Variants in CPPED1 observed in about 807,000 individuals in gnomAD.
CPPED1 encodes calcineurin like phosphoesterase domain containing 1.
In CPPED1, 28 loss-of-function variants were observed where a neutral mutation model predicts 28.0. That is an observed-to-expected ratio of 1.00 (90% confidence interval 0.74 to 1.37). The LOEUF is 1.37. Ranked by LOEUF, CPPED1 falls within the 40% of genes most tolerant of loss-of-function variation. The pLI, the probability that CPPED1 is intolerant of heterozygous loss-of-function variation, is 0.00. For synonymous variants in CPPED1, 198 were observed against 180.2 expected (o/e 1.10, Z -0.79); for missense variants, 504 against 416.5 (o/e 1.21, Z -1.83).
At position 12,663,616 on chromosome 16, in the gene CPPED1, AT is replaced by A. The variant is rs2079808841; in HGVS notation, c.*1269del. 6.6e-6 allele frequency: 1 copy of A among 152,116 alleles called. No homozygotes were observed. 9.4% of individuals were successfully genotyped at this position (152,116 alleles called of 1,614,324 possible). ...ACATATTTAATTATCTTTCCATTTA[AT>A]TTCCCATGGTTTTGCTACGTTGACT... On this transcript the variant is annotated 3_prime_UTR_variant, in exon 4 of 4. Transcript: ENST00000381774.
intron 3 of CPPED1, among the ~76,000 whole-genome samples, chr16:12,675,698 C>G (rs896584370): frequency 6.6e-6 from 1 of 152,182 alleles, no homozygotes; most frequent in Admixed American, 6.5e-5. Flanking sequence ...TACTTTTATC[C>G]TGCATGAGAC....
intron 3 of CPPED1, among the ~76,000 whole-genome samples, chr16:12,671,100 C>A (rs2079850723): frequency 6.6e-6 from 1 of 152,132 alleles, no homozygotes; most frequent in African/African-American, 2.4e-5. Flanking sequence ...ATCCACCTGC[C>A]TTGGCCTCCC....
intron 3 of CPPED1, among the ~76,000 whole-genome samples, chr16:12,681,699 G>C (rs1162849427): frequency 1.3e-5 from 2 of 152,142 alleles, no homozygotes; most frequent in African/African-American, 2.4e-5. Flanking sequence ...GCAGCAAAAG[G>C]TTTGAGAAAG....
chr16:12,781,251 T>C lies in CPPED1; in HGVS notation c.223A>G (p.Ile75Val). 1 of 1,614,170 alleles carries C rather than the reference T, an allele frequency of 6.2e-7. No homozygotes were observed. Among genetic ancestry groups the C allele is most frequent in the Non-Finnish European group, 8.5e-7 (1 of 1,180,020 alleles). Residue 75 changes from isoleucine (I) to valine (V), a missense_variant, in exon 2 of 4, where the codon ATC becomes GTC. Transcript: ENST00000381774. ...TTGGGTTTGGGGTTCAGCTTGTTGATGGCCTGGACGGCTTGCTCAGTTAGA... is the reference window on the plus strand; with the variant it reads ...TTGGGTTTGGGGTTCAGCTTGTTGACGGCCTGGACGGCTTGCTCAGTTAGA... ...IRLTEQAVQA[I>V]NKLNPKPKFF... is the part of the protein sequence containing the mutation.
At chr16:12,754,149 G>A (rs1016288380) in intron 2 of CPPED1, among the ~76,000 whole-genome samples, 1 of 152,138 alleles carries the variant, frequency 6.6e-6, no homozygotes, top group African/African-American at 2.4e-5. Context: ...GTGATGGAGG[G>A]GCACACTCGG....
intron 2 of CPPED1, among the ~76,000 whole-genome samples, chr16:12,762,816 T>A (rs1024876662): frequency 4.6e-5 from 7 of 152,084 alleles, no homozygotes; most frequent in African/African-American, 1.7e-4. Flanking sequence ...CAATATCAGC[T>A]AACTGCAACC....
intron 3 of CPPED1, among the ~76,000 whole-genome samples, chr16:12,691,017 C>G (rs965972535): frequency 2.0e-5 from 3 of 152,196 alleles, no homozygotes; most frequent in Non-Finnish European, 2.9e-5. Flanking sequence ...CATCAGCACC[C>G]GTGCCCACGG....
At chr16:12,730,817 G>A (rs2080193251) in intron 2 of CPPED1, among the ~76,000 whole-genome samples, 1 of 152,222 alleles carries the variant, frequency 6.6e-6, no homozygotes, top group African/African-American at 2.4e-5. Context: ...TCTGGCAAAT[G>A]TTCCACATCT....
chr16:12,787,259 A>T (rs1225166033), intron 1 of CPPED1, among the ~76,000 whole-genome samples: 1 of 152,192 alleles, frequency 6.6e-6, no homozygotes, highest in Non-Finnish European at 1.5e-5. Context: ...TCAAAACAAG[A>T]CTATAAACTT....
intron 3 of CPPED1, among the ~76,000 whole-genome samples, chr16:12,677,868 G>C (rs969387839): frequency 1.3e-5 from 2 of 152,190 alleles, no homozygotes; most frequent in Non-Finnish European, 2.9e-5. Context: ...AGAAAGGTCT[G>C]GACAGTAAAT....
intron 1 of CPPED1, among the ~76,000 whole-genome samples, chr16:12,801,438 A>C (rs1233973870): frequency 6.6e-6 from 1 of 152,112 alleles, no homozygotes; most frequent in Non-Finnish European, 1.5e-5. Flanking sequence ...GCCCACAACA[A>C]ATATTTCTTG....
At chr16:12,745,500 G>C (rs1003859546) in intron 2 of CPPED1, among the ~76,000 whole-genome samples, 8 of 152,210 alleles carry the variant, frequency 5.3e-5, no homozygotes, top group African/African-American at 1.2e-4. Flanking sequence ...ATAAAAAAAG[G>C]AACGAGATCA....
chr16:12,671,882 A>C (rs1484367063), intron 3 of CPPED1, among the ~76,000 whole-genome samples: 1 of 152,222 alleles, frequency 6.6e-6, no homozygotes, highest in Admixed American at 6.5e-5. Flanking sequence ...AATCCCTACC[A>C]TGGACGTTTT....
rs1253956676 is a variant in CPPED1, at chr16:12,662,190, T to A, written c.*2696A>T. 1 of 152,224 alleles carries A rather than the reference T, an allele frequency of 6.6e-6. No individual in the cohort carries two copies. The allele number at this position is 152,224 out of a possible 1,614,324, so 9.4% of individuals were successfully genotyped here. On this transcript the variant is annotated 3_prime_UTR_variant, in exon 4 of 4. Coordinates refer to ENST00000381774, the MANE Select transcript of CPPED1 (RefSeq NM_018340.3). Reference sequence around the variant, plus strand: ...ATCGTTTTTCACAGTATAAGGCACTTATTTTTTGATATCATTCTCTTTTTT... The same window carrying A: ...ATCGTTTTTCACAGTATAAGGCACTAATTTTTTGATATCATTCTCTTTTTT...
chr16:12,781,331 G>A lies in CPPED1; in HGVS notation c.143C>T (p.Ala48Val), dbSNP rs773932176. The A allele has an allele frequency of 6.2e-7, 1 of 1,614,168 alleles. No individual in the cohort carries two copies. The highest frequency in any genetic ancestry group is 8.5e-7 in the Non-Finnish European group (1 of 1,180,028). ...GADPQFGLIK[A>V]WSTGDCDNGG... ...ATTGTCACAGTCCCCAGTGGACCAGGCCTTGATCAGCCCAAACTGTGGGTC... is the reference window on the plus strand; with the variant it reads ...ATTGTCACAGTCCCCAGTGGACCAGACCTTGATCAGCCCAAACTGTGGGTC... The change falls in exon 2 of 4, where the codon GCC (alanine) becomes GTC (valine). Residue 48 changes from alanine (A) to valine (V), a missense_variant. Coordinates refer to ENST00000381774, the MANE Select transcript of CPPED1 (RefSeq NM_018340.3).
At chr16:12,733,272 GA>G (rs1567289745) in intron 2 of CPPED1, among the ~76,000 whole-genome samples, 1 of 131,748 alleles carries the variant, frequency 7.6e-6, no homozygotes, top group African/African-American at 2.8e-5. Flanking sequence ...CCCGAATTAG[GA>G]ATTTTTTTTT....
intron 2 of CPPED1, among the ~76,000 whole-genome samples, chr16:12,740,248 C>CTT (rs1264840499): frequency 6.6e-6 from 1 of 151,784 alleles, no homozygotes; most frequent in African/African-American, 2.4e-5. Context: ...GAGTTCAACA[C>CTT]CAGCCTGGCC....
chr16:12,713,156 T>C (rs945747075), intron 2 of CPPED1, among the ~76,000 whole-genome samples: 2 of 152,070 alleles, frequency 1.3e-5, no homozygotes, highest in African/African-American at 2.4e-5. Flanking sequence ...GTATAAAAAA[T>C]TGTGCTCAGG....
intron 2 of CPPED1, among the ~76,000 whole-genome samples, chr16:12,732,783 C>T (rs1001441610): frequency 6.6e-6 from 1 of 152,148 alleles, no homozygotes; most frequent in African/African-American, 2.4e-5. Flanking sequence ...TCATTCTATA[C>T]CCAGCCAAAC....
Sources: gnomAD v4.1 joint callset for allele counts (sites outside exome capture counted in the v4.1 genomes callset) on GRCh38, gnomAD v4.1.1 for gene constraint, MANE v1.5 for transcripts, NCBI Gene and HGNC (gene_info 2026-07-23, HGNC 2026-07-21) for gene names.